Variants in HS3ST6 observed in about 807,000 individuals in gnomAD.
HS3ST6 encodes heparan sulfate-glucosamine 3-sulfotransferase 6.
HS3ST6 carries 13 observed loss-of-function variants against 11.0 expected under a neutral mutation model. That is an observed-to-expected ratio of 1.18 (90% CI 0.77 to 1.88). The LOEUF is 1.88. HS3ST6 is among the 40% of genes most tolerant of loss of function. The pLI is 0.00. For synonymous variants in HS3ST6, 232 were observed against 230.6 expected, an observed-to-expected ratio of 1.01 and a Z score of -0.06; for missense variants, 541 against 494.4, an observed-to-expected ratio of 1.09 and a Z score of -0.89.
chr16:1,915,291 G>C (rs987928857), intron 1 of HS3ST6, among the ~76,000 whole-genome samples: 1 of 152,178 alleles, frequency 6.6e-6, no homozygotes, highest in East Asian at 1.9e-4. Context: ...TTGAGACAGA[G>C]CTGCACTCCA....
Position 1,918,108 on chromosome 16 carries a change from G to C in HS3ST6, c.216C>G (p.His72Gln). The C allele has an allele frequency of 6.8e-7, 1 of 1,472,386 alleles. No individual in the cohort carries two copies. The highest frequency in any genetic ancestry group is 9.0e-7 in the Non-Finnish European group (1 of 1,117,106). 91.2% of individuals were successfully genotyped at this position (1,472,386 alleles called of 1,614,324 possible). A position where few individuals can be genotyped will look rare whatever the true frequency, so the allele number is the denominator to read the frequency against. ...AAGGCAGGCCGGGTGCTCCCGGGCG[G>C]TGGACGGAGCTGGACGGCTCGGAGG... ...PAPSEPSSSV[H>Q]RPGAPGLPLA... is the part of the protein sequence containing the mutation. Residue 72 changes from histidine to glutamine, a missense_variant, in exon 1 of 2, where the codon CAC becomes CAG. Transcript: ENST00000454677. This position sits in a 1 kb window ranked among gnomAD's most constrained non-coding sequence, Gnocchi z 6.0.
chr16:1,913,375 G>A (rs1023534852), intron 1 of HS3ST6, among the ~76,000 whole-genome samples: 4 of 152,136 alleles, frequency 2.6e-5, no homozygotes, highest in African/African-American at 9.7e-5. Flanking sequence ...GGAATCAGCC[G>A]ACCACAGCCC....
chr16:1,913,872 G>A (rs1000742247), intron 1 of HS3ST6, among the ~76,000 whole-genome samples: 10 of 152,170 alleles, frequency 6.6e-5, no homozygotes, highest in African/African-American at 2.4e-4. Flanking sequence ...GGGAGGATGT[G>A]TGAGGCAGCG....
At chr16:1,920,441 C>CAGT (rs2082958065), upstream of HS3ST6, among the ~76,000 whole-genome samples, 1 of 149,422 alleles carries the variant, frequency 6.7e-6, no homozygotes, top group Non-Finnish European at 1.5e-5. Context: ...ACGGTCTCAG[C>CAGT]CGTCCCCACA....
upstream of HS3ST6, among the ~76,000 whole-genome samples, chr16:1,920,877 T>G (rs1194055997): frequency 2.0e-5 from 3 of 152,142 alleles, no homozygotes; most frequent in Non-Finnish European, 2.9e-5. Context: ...CAGTGGACAT[T>G]CCATTAATGT....
At position 1,912,062 on chromosome 16, in the gene HS3ST6, C is replaced by T. The variant is rs201439445; in HGVS notation, c.557G>A (p.Arg186Gln). ...CGTCTGGGCGTAGTCGGAGATGGCC[C>T]GGGTCACGGGGTTCCGCACCACCAC... ...LIVVVRNPVTRAISDYAQTLS... is the reference protein window; with the variant it reads ...LIVVVRNPVTQAISDYAQTLS... The change falls in exon 2 of 2, where the codon CGG becomes CAG. Residue 186 changes from arginine (R) to glutamine (Q), a missense_variant. Coordinates refer to ENST00000454677, the MANE Select transcript of HS3ST6 (RefSeq NM_001009606.4). The surrounding 1 kb of genome is among the most constrained non-coding windows in gnomAD (Gnocchi z 5.6). 123 of 1,513,512 alleles carry T rather than the reference C, an allele frequency of 8.1e-5. No homozygotes were observed. The Middle Eastern group carries it at 1.1e-3, about 13-fold the overall frequency. 93.8% of individuals were successfully genotyped at this position (1,513,512 alleles called of 1,614,324 possible).
rs997873235 is a variant in HS3ST6, at chr16:1,912,295, G to A, written c.414-90C>T. On this transcript the variant is annotated intron_variant, in intron 1 of 1. Coordinates refer to ENST00000454677, the MANE Select transcript of HS3ST6 (RefSeq NM_001009606.4). The surrounding 1 kb of genome is among the most constrained non-coding windows in gnomAD (Gnocchi z 5.6). Reference sequence around the variant, plus strand: ...CCGGGACCAAGGCCCCCTTATGCCCGGGAAGCCCAGGCCTCCAGGGCGAGC... The same window carrying A: ...CCGGGACCAAGGCCCCCTTATGCCCAGGAAGCCCAGGCCTCCAGGGCGAGC... The A allele has an allele frequency of 9.5e-6, 11 of 1,158,526 alleles. No homozygotes were observed. Among genetic ancestry groups the A allele is most frequent in the Non-Finnish European group, 1.2e-5 (11 of 907,540 alleles). 71.8% of individuals were successfully genotyped at this position (1,158,526 alleles called of 1,614,324 possible).
chr16:1,911,767 C>G lies in HS3ST6; in HGVS notation c.852G>C (p.Lys284Asn), dbSNP rs1390659564. 20 of 1,613,688 alleles carry G rather than the reference C, an allele frequency of 1.2e-5. No individual in the cohort carries two copies. Among genetic ancestry groups the G allele is most frequent in the Non-Finnish European group, 1.5e-5 (18 of 1,179,826 alleles). Residue 284 changes from lysine (K) to asparagine (N), a missense_variant, in exon 2 of 2, where the codon AAG (lysine) becomes AAC (asparagine). Physicochemically the swap from Lys to Asn is moderately conservative, Grantham distance 94. Coordinates refer to ENST00000454677, the MANE Select transcript of HS3ST6 (RefSeq NM_001009606.4). The part of the protein sequence containing the change: ...TDKHFYFNAT[K>N]GFPCLKKAQG... ...GGGCCTTCTTGAGGCAGGGGAAGCC[C>G]TTGGTGGCGTTGAAGTAGAAGTGCT...
chr16:1,915,319 A>G (rs1438181004), intron 1 of HS3ST6, among the ~76,000 whole-genome samples: 1 of 152,186 alleles, frequency 6.6e-6, no homozygotes, highest in Admixed American at 6.5e-5. Context: ...CTTGTCGCCC[A>G]GGCTGGAGTG....
Position 1,911,544 on chromosome 16 carries a change from G to C in HS3ST6, c.*46C>G. The stretch of plus-strand genomic sequence containing the variant: ...ATGTGCACGCAGCCCGCTCTGGCCA[G>C]GCGAGCGGGTGTCAATCAAGGTGCT... On this transcript the variant is annotated 3_prime_UTR_variant, in exon 2 of 2. Transcript: ENST00000454677. 1 of 1,516,240 alleles carries C rather than the reference G, an allele frequency of 6.6e-7. No homozygotes were observed. Among genetic ancestry groups the C allele is most frequent in the Non-Finnish European group, 8.8e-7 (1 of 1,130,898 alleles). 93.9% of individuals were successfully genotyped at this position (1,516,240 alleles called of 1,614,324 possible). A position where few individuals can be genotyped will look rare whatever the true frequency, so the allele number is the denominator to read the frequency against.
At chr16:1,913,684 A>T (rs918987733) in intron 1 of HS3ST6, among the ~76,000 whole-genome samples, 2 of 152,022 alleles carry the variant, frequency 1.3e-5, no homozygotes, top group East Asian at 1.9e-4. Context: ...CAGCCCCAGG[A>T]CCGGCCCCTG....
rs200725241 is a variant in HS3ST6, at chr16:1,911,629, C to A, written c.990G>T (p.Arg330Ser). The change falls in exon 2 of 2, where the codon AGG becomes AGT. Residue 330 changes from arginine (R) to serine (S), a missense_variant. Arg to Ser is a moderately radical substitution (Grantham distance 110). Transcript: ENST00000454677. ...AGTCCTGGCCCGTCATCTGGTAGAA[C>A]CTGCGGTTGAAGGGCCGGTAGAACT... ...LQEFYRPFNR[R>S]FYQMTGQDFG... The A allele has an allele frequency of 9.9e-5, 159 of 1,608,772 alleles. No homozygotes were observed. Among genetic ancestry groups the A allele is most frequent in the Admixed American group, 1.2e-4 (7 of 59,260 alleles).
upstream of HS3ST6, among the ~76,000 whole-genome samples, chr16:1,920,919 G>T (rs1170953106): frequency 1.3e-5 from 2 of 152,214 alleles, no homozygotes; most frequent in African/African-American, 2.4e-5. Flanking sequence ...TGGGAGGAGA[G>T]GTCGGGAAGG....
rs767365542 is a variant in HS3ST6, at chr16:1,911,770, G to A, written c.849C>T (p.Thr283=). The A allele has an allele frequency of 6.2e-7, 1 of 1,613,830 alleles. No individual in the cohort carries two copies. Among genetic ancestry groups the A allele is most frequent in the Non-Finnish European group, 8.5e-7 (1 of 1,179,838 alleles). ...VTDKHFYFNA[T]KGFPCLKKAQ... ...CCTTCTTGAGGCAGGGGAAGCCCTT[G>A]GTGGCGTTGAAGTAGAAGTGCTTGT... The change falls in exon 2 of 2, where the codon ACC becomes ACT. Residue 283 remains threonine (T), a synonymous_variant. Transcript: ENST00000454677.
intron 1 of HS3ST6, 53 bp downstream of exon 1, chr16:1,917,858 C>G: frequency 7.9e-7 from 1 of 1,265,570 alleles, no homozygotes; most frequent in Non-Finnish European, 1.0e-6. Context: ...CTGGGGCGCA[C>G]GATACCCTCC....
At chr16:1,917,055 CAA>C (rs991591424) in intron 1 of HS3ST6, among the ~76,000 whole-genome samples, 1 of 152,100 alleles carries the variant, frequency 6.6e-6, no homozygotes, top group African/African-American at 2.4e-5. Context: ...CCTCCAAACC[CAA>C]GAGTAGTTTT....
At position 1,911,896 on chromosome 16, in the gene HS3ST6, CA is replaced by C. The variant is rs1247355819; in HGVS notation, c.722del (p.Leu241ArgfsTer29). On this transcript the variant is annotated frameshift_variant, in exon 2 of 2. Transcript: ENST00000454677. LOFTEE classifies it high-confidence loss of function. ...HLDHWLRYFP[L>X]SHFLFVSGER... ...CCCCGCTGACGAACAGGAAGTGGGA[CA>C]GGGGGAAGTAGCGCAGCCAGTGGTC... 18 of 1,605,386 alleles carry C rather than the reference CA, an allele frequency of 1.1e-5. No homozygotes were observed. Among genetic ancestry groups the C allele is most frequent in the African/African-American group, 1.3e-5 (1 of 74,804 alleles).
In HS3ST6 at chr16:1,917,977, A is replaced by G; in HGVS notation, c.347T>C (p.Val116Ala). 1 of 1,553,112 alleles carries G rather than the reference A, an allele frequency of 6.4e-7. No individual in the cohort carries two copies. The highest frequency in any genetic ancestry group is 8.6e-7 in the Non-Finnish European group (1 of 1,158,900). ...GTGGGGCTCAGAGCCCAGCGCGCGG[A>G]CGTCGGGGTGCAGCCGCAGAAACTC... The part of the protein sequence containing the change: ...LLEFLRLHPD[V>A]RALGSEPHFF... Residue 116 changes from valine to alanine, a missense_variant, in exon 1 of 2, where the codon GTC (valine) becomes GCC (alanine). By Grantham distance (64) the Val-to-Ala change is moderately conservative (BLOSUM62 0). Transcript: ENST00000454677.
At chr16:1,918,731 CTGTT>C (rs1413757562), upstream of HS3ST6, among the ~76,000 whole-genome samples, 1 of 152,116 alleles carries the variant, frequency 6.6e-6, no homozygotes, top group Admixed American at 6.5e-5. The surrounding 1 kb of genome is among the most constrained non-coding windows in gnomAD (Gnocchi z 6.0). Context: ...TCGGGACCCT[CTGTT>C]TGAAGACCGA....
Sources: gnomAD v4.1 joint callset for allele counts (sites outside exome capture counted in the v4.1 genomes callset) on GRCh38, gnomAD v4.1.1 for gene constraint, Gnocchi (gnomAD v3.1) non-coding constraint, MANE v1.5 for transcripts, NCBI Gene and HGNC (gene_info 2026-07-23, HGNC 2026-07-21) for gene names.